Variants in NID2 observed in about 807,000 individuals in gnomAD.
NID2 encodes the protein nidogen-2.
A neutral mutation model predicts 145.4 loss-of-function variants in NID2; 83 were observed. The ratio of observed to expected loss-of-function variants is 0.57; its 90% confidence interval spans 0.48 to 0.69. NID2 has a LOEUF of 0.69. Ranked by LOEUF, NID2 falls within the 30% of genes least tolerant of loss-of-function variation. The pLI is 0.00. For missense variants in NID2, 1,807 were observed against 1,765.7 expected (o/e 1.02, Z -0.42); for synonymous variants, 739 against 701.3 (o/e 1.05, Z -0.85).
chr14:52,020,003 A>T lies in NID2; in HGVS notation c.2794+56T>A, dbSNP rs112161007. ...ATCAAGAGTGGGCTGTCATAGAAAA[A>T]TATCCTTGAAGGAGCTAAGAGATTC... On this transcript the variant is annotated intron_variant, in intron 13 of 21. Coordinates refer to ENST00000216286, the MANE Select transcript of NID2 (RefSeq NM_007361.4). The T allele has an allele frequency of 2.1e-4, 336 of 1,597,510 alleles. 3 individuals carry two copies. The African/African-American group carries it at 3.3e-3, about 16-fold the overall frequency.
chr14:52,067,419 T>C (rs1893257414), intron 2 of NID2, among the ~76,000 whole-genome samples: 1 of 152,144 alleles, frequency 6.6e-6, no homozygotes, highest in Non-Finnish European at 1.5e-5. Context: ...ACTCTGAAAA[T>C]GTACGCAGAA....
chr14:52,022,378 C>T (rs1031124080), intron 12 of NID2, among the ~76,000 whole-genome samples: 1 of 152,184 alleles, frequency 6.6e-6, no homozygotes, highest in Non-Finnish European at 1.5e-5. Context: ...TCCCTGAATT[C>T]GCAGTCCTGA....
chr14:52,012,527 A>G (rs1411869855), intron 16 of NID2, among the ~76,000 whole-genome samples: 2 of 152,110 alleles, frequency 1.3e-5, no homozygotes, highest in African/African-American at 4.8e-5. Flanking sequence ...GAGCCCAGGA[A>G]GTCAAGGCTG....
Position 52,019,092 on chromosome 14 carries a change from G to A in NID2, c.2997C>T (p.Gly999=). 4 of 1,614,086 alleles carry A rather than the reference G, an allele frequency of 2.5e-6. No individual in the cohort carries two copies. The highest frequency in any genetic ancestry group is 3.4e-6 in the Non-Finnish European group (4 of 1,179,968). ...HEVPGTQTPP[G]STPPHCGPSP... is the part of the protein sequence containing the mutation. ...ATGGTCCACAGTGAGGCGGGGTGGA[G>A]CCAGGTGGAGTCTGGGTACCAGGAA... The change falls in exon 14 of 22, where the codon GGC becomes GGT. Residue 999 remains glycine (G), a synonymous_variant. Transcript: ENST00000216286.
intron 7 of NID2, 72 bp from the exon 8 acceptor site, chr14:52,040,923 C>A (rs561301533): frequency 1.2e-5 from 16 of 1,325,382 alleles, no homozygotes; most frequent in Non-Finnish European, 1.5e-5. Flanking sequence ...ATATACTGCC[C>A]GCTCCCAATT....
chr14:52,060,378 A>AGG, intron 2 of NID2, 22 bp from the exon 3 acceptor site: 1 of 806,188 alleles, frequency 1.2e-6, no homozygotes, highest in Non-Finnish European at 1.7e-6. Context: ...AAAAAAAAAA[A>AGG]AGAGAGAGAG....
intron 5 of NID2, among the ~76,000 whole-genome samples, chr14:52,053,304 C>T (rs1892736956): frequency 6.6e-6 from 1 of 152,182 alleles, no homozygotes; most frequent in East Asian, 1.9e-4. Context: ...GCGTAGCTGG[C>T]ATAACAAACC....
rs1566736659 is a variant in NID2, at chr14:52,005,482, G to GTACT, written c.4128_*3dup. 3 of 1,596,734 alleles carry GTACT rather than the reference G, an allele frequency of 1.9e-6. No individual in the cohort carries two copies. Among genetic ancestry groups the GTACT allele is most frequent in the South Asian group, 2.3e-5 (2 of 87,634 alleles). ...ACTCCAAGTCTTCCTTTACATTACT[G>GTACT]TACTTACTTTCTTCCTGTGAGAGAA... On this transcript the variant is annotated 3_prime_UTR_variant, in exon 22 of 22. Coordinates refer to ENST00000216286, the MANE Select transcript of NID2 (RefSeq NM_007361.4).
Position 52,015,053 on chromosome 14 carries a change from C to G in NID2, c.3250+1G>C. On this transcript the variant is annotated splice_donor_variant, in intron 15 of 21. Transcript: ENST00000216286. LOFTEE classifies it high-confidence loss of function. ...GGGAGCGGGGGCGGCCAGGTGCTTA[C>G]ACGCAGGGGTGGTGCCTGGCTGGGA... 1 of 1,612,186 alleles carries G rather than the reference C, an allele frequency of 6.2e-7. No individual in the cohort carries two copies. Among genetic ancestry groups the G allele is most frequent in the Non-Finnish European group, 8.5e-7 (1 of 1,179,050 alleles).
In NID2 at chr14:52,054,265, G is replaced by A. The variant is rs766195275; in HGVS notation, c.824C>T (p.Pro275Leu). ...TGCAGCTGGCCTGACATTGTCCAAC[G>A]GGGAAGTGCTGCCGATATGGAAAGC... The part of the protein sequence containing the change: ...VWAFHIGSTS[P>L]LDNVRPAAVG... The change falls in exon 4 of 22, where the codon CCG (proline) becomes CTG (leucine). Residue 275 changes from proline to leucine, a missense_variant. Transcript: ENST00000216286. 16 of 1,614,156 alleles carry A rather than the reference G, an allele frequency of 9.9e-6. No homozygotes were observed. The highest frequency in any genetic ancestry group is 2.2e-5 in the East Asian group (1 of 44,886).
At chr14:52,066,422 TA>T (rs2140439406) in intron 2 of NID2, among the ~76,000 whole-genome samples, 1 of 152,130 alleles carries the variant, frequency 6.6e-6, no homozygotes, top group African/African-American at 2.4e-5. Context: ...AATAATAACT[TA>T]ATTGTACATT....
At chr14:52,046,437 T>A (rs1892498626) in intron 5 of NID2, among the ~76,000 whole-genome samples, 1 of 152,198 alleles carries the variant, frequency 6.6e-6, no homozygotes, top group African/African-American at 2.4e-5. Context: ...TTGTATCTTA[T>A]TTCAGTTATT....
intron 5 of NID2, among the ~76,000 whole-genome samples, chr14:52,051,274 C>T (rs1892669661): frequency 6.6e-6 from 1 of 152,168 alleles, no homozygotes; most frequent in Admixed American, 6.5e-5. Context: ...TACCCTAAAG[C>T]TTCAAAGGGA....
chr14:52,050,205 C>A (rs1326275646), intron 5 of NID2, among the ~76,000 whole-genome samples: 1 of 152,172 alleles, frequency 6.6e-6, no homozygotes, highest in Non-Finnish European at 1.5e-5. Flanking sequence ...TTTCTACTCA[C>A]AACACAGGCA....
At chr14:52,010,296 A>AAGAT (rs1445352164) in intron 18 of NID2, 8 of 152,260 alleles carry the variant, frequency 5.3e-5, no homozygotes, top group African/African-American at 1.9e-4. Context: ...AGAGTTTCTC[A>AAGAT]AGATATAAAA....
At chr14:52,014,172 A>G (rs1268952585) in intron 16 of NID2, 115 bp downstream of exon 16, 2 of 1,387,456 alleles carry the variant, frequency 1.4e-6, no homozygotes, top group Non-Finnish European at 2.0e-6. Context: ...GCTGCAGCTC[A>G]GAAACCCTCC....
In NID2 at chr14:52,005,466, CTTCCTTT is replaced by C; in HGVS notation, c.*13_*19del. ...CAGGTTCTGATTGTAAACTCCAAGT[CTTCCTTT>C]ACATTACTGTACTTACTTTCTTCCT... is the stretch of plus-strand genomic sequence containing the variant. On this transcript the variant is annotated 3_prime_UTR_variant, in exon 22 of 22. Transcript: ENST00000216286. The C allele has an allele frequency of 1.3e-6, 2 of 1,581,442 alleles. No homozygotes were observed. The highest frequency in any genetic ancestry group is 2.4e-5 in the South Asian group (2 of 84,110).
intron 2 of NID2, among the ~76,000 whole-genome samples, chr14:52,064,475 A>G (rs1045579825): frequency 3.3e-5 from 5 of 152,182 alleles, no homozygotes; most frequent in African/African-American, 1.2e-4. Flanking sequence ...TCCTCTTCTT[A>G]TAAAGCAACC....
intron 2 of NID2, 22 bp from the exon 3 acceptor site, chr14:52,060,378 A>AGAG: frequency 3.7e-6 from 3 of 806,188 alleles, no homozygotes; most frequent in Non-Finnish European, 3.4e-6. Flanking sequence ...AAAAAAAAAA[A>AGAG]AGAGAGAGAG....
Sources: allele counts gnomAD v4.1 joint callset (sites outside exome capture counted in the v4.1 genomes callset), GRCh38; gene constraint gnomAD v4.1.1; transcripts MANE v1.5; gene names NCBI Gene and HGNC (gene_info 2026-07-23, HGNC 2026-07-21).